CCDC73: variants seen among roughly 807,000 people sequenced by gnomAD.
The protein encoded by CCDC73 is coiled-coil domain containing 73, also known as coiled-coil domain-containing protein 73.
In CCDC73, 95 loss-of-function variants were observed where a neutral mutation model predicts 116.5. The ratio of observed to expected loss-of-function variants is 0.82; its 90% CI spans 0.69 to 0.97. The LOEUF is 0.97. CCDC73 is among the 50% of genes least tolerant of loss of function. The pLI, the probability that CCDC73 is intolerant of heterozygous loss-of-function variation, is 0.00. For missense variants in CCDC73, 1,066 were observed against 1,206.8 expected (o/e 0.88, Z 1.73); for synonymous variants, 398 against 401.3 (o/e 0.99, Z 0.10).
intron 2 of CCDC73, among the ~76,000 whole-genome samples, chr11:32,724,556 T>C (rs1285276665): frequency 7.3e-6 from 1 of 137,074 alleles, no homozygotes; most frequent in Non-Finnish European, 1.6e-5. Context: ...ATATATTTTG[T>C]TTTAAAACTT....
chr11:32,649,418 T>C (rs912735771), intron 12 of CCDC73, among the ~76,000 whole-genome samples: 3 of 152,250 alleles, frequency 2.0e-5, no homozygotes, highest in African/African-American at 7.2e-5. Context: ...AAATATTTCC[T>C]ATCATGAGAA....
At chr11:32,751,468 G>C (rs1461205601) in intron 2 of CCDC73, among the ~76,000 whole-genome samples, 3 of 152,144 alleles carry the variant, frequency 2.0e-5, no homozygotes, top group East Asian at 1.9e-4. Context: ...CAGCGGCAAG[G>C]CTTGCTGAAA....
intron 2 of CCDC73, among the ~76,000 whole-genome samples, chr11:32,737,579 C>G (rs1850146186): frequency 6.7e-6 from 1 of 149,682 alleles, no homozygotes; most frequent in Non-Finnish European, 1.5e-5. Context: ...GATCGTGCCA[C>G]TGCACTCCAG....
intron 14 of CCDC73, among the ~76,000 whole-genome samples, chr11:32,619,551 T>TAGTC (rs1394192687): frequency 6.6e-6 from 1 of 152,082 alleles, no homozygotes; most frequent in East Asian, 1.9e-4. Flanking sequence ...CACACACCTG[T>TAGTC]AGTCCTAACT....
chr11:32,779,155 A>G (rs1262806089), intron 1 of CCDC73, among the ~76,000 whole-genome samples: 2 of 152,084 alleles, frequency 1.3e-5, no homozygotes. Flanking sequence ...TGGGAAGACC[A>G]AAACACCTAG....
At chr11:32,621,114 T>G (rs1456209852) in intron 14 of CCDC73, among the ~76,000 whole-genome samples, 1 of 152,152 alleles carries the variant, frequency 6.6e-6, no homozygotes, top group Non-Finnish European at 1.5e-5. Context: ...AATTTATAGA[T>G]TCAATGCTAT....
intron 12 of CCDC73, among the ~76,000 whole-genome samples, chr11:32,645,591 C>G: frequency 6.7e-6 from 1 of 148,272 alleles, no homozygotes; most frequent in Non-Finnish European, 1.5e-5. Flanking sequence ...GCCTGGCCAA[C>G]TTTTTTTTTT....
intron 2 of CCDC73, among the ~76,000 whole-genome samples, chr11:32,758,798 T>C (rs1161278972): frequency 6.6e-6 from 1 of 152,170 alleles, no homozygotes; most frequent in Non-Finnish European, 1.5e-5. Context: ...TGACCAAAAG[T>C]TGTTTCACTT....
At position 32,614,387 on chromosome 11, in the gene CCDC73, T is replaced by C. The variant is rs1176800605; in HGVS notation, c.1931A>G (p.Lys644Arg). The change falls in exon 16 of 18, where the codon AAA (lysine) becomes AGA (arginine). Residue 644 changes from lysine to arginine, a missense_variant. Physicochemically the swap from Lys to Arg is conservative, Grantham distance 26 (BLOSUM62 2). Transcript: ENST00000335185. ...ATTACTTGAATTCCGTAAACTATAT[T>C]TCTGACATGGAACAGGATTTTTTTT... is the stretch of plus-strand genomic sequence containing the variant. The part of the protein sequence containing the change: ...DIKKNPVPCQ[K>R]YSLRNSSNVM... 6.2e-7 allele frequency: 1 copy of C among 1,613,306 alleles called. No individual in the cohort carries two copies. The highest frequency in any genetic ancestry group is 8.5e-7 in the Non-Finnish European group (1 of 1,179,552).
chr11:32,714,764 C>T (rs1849930588), intron 3 of CCDC73, among the ~76,000 whole-genome samples: 1 of 152,104 alleles, frequency 6.6e-6, no homozygotes, highest in Admixed American at 6.6e-5. Context: ...CCAAGACCTA[C>T]AGAGTCTGTT....
chr11:32,616,080 G>C lies in CCDC73; in HGVS notation c.1235C>G (p.Ser412Ter). 1 of 1,583,218 alleles carries C rather than the reference G, an allele frequency of 6.3e-7. No individual in the cohort carries two copies. Among genetic ancestry groups the C allele is most frequent in the Non-Finnish European group, 8.6e-7 (1 of 1,169,336 alleles). The change falls in exon 15 of 18, where the codon TCA becomes TGA. Residue 412 changes from serine to a stop codon, truncating the protein, a stop_gained. Coordinates refer to ENST00000335185, the MANE Select transcript of CCDC73 (RefSeq NM_001008391.4). LOFTEE classifies it high-confidence loss of function. ...NENSEMSTEK[S>*]ENTIIQKYNT... ...ATATTTCTGTATAATGGTGTTTTCT[G>C]ATTTTTCAGTTGACATTTCACTGTT...
chr11:32,683,327 T>G (rs1373164652), intron 7 of CCDC73: 1 of 542,386 alleles, frequency 1.8e-6, no homozygotes, highest in Admixed American at 2.8e-5. Flanking sequence ...CCTGTATAAG[T>G]ACTATGTAAT....
At chr11:32,830,237 G>C in the CCDC73 span, 9 of 1,066,464 alleles carry the variant, frequency 8.4e-6, no homozygotes, top group Non-Finnish European at 9.3e-6. Flanking sequence ...CACCTCGGCG[G>C]ACTGGGTTGG....
chr11:32,773,397 G>A (rs1229449417), intron 1 of CCDC73, among the ~76,000 whole-genome samples: 1 of 152,044 alleles, frequency 6.6e-6, no homozygotes, highest in African/African-American at 2.4e-5. Flanking sequence ...AAAAATTATT[G>A]AATTGCACAC....
chr11:32,613,094 T>C (rs1855437107), intron 16 of CCDC73, among the ~76,000 whole-genome samples: 1 of 151,816 alleles, frequency 6.6e-6, no homozygotes, highest in African/African-American at 2.4e-5. Flanking sequence ...AAGGGACAGA[T>C]AAAAATAGAA....
At chr11:32,767,729 C>T (rs1175341120) in intron 1 of CCDC73, among the ~76,000 whole-genome samples, 1 of 152,204 alleles carries the variant, frequency 6.6e-6, no homozygotes, top group African/African-American at 2.4e-5. Flanking sequence ...AAATGCTCAT[C>T]ATCACTGGCC....
chr11:32,783,474 C>A (rs1292212175), intron 1 of CCDC73, among the ~76,000 whole-genome samples: 1 of 152,118 alleles, frequency 6.6e-6, no homozygotes, highest in East Asian at 1.9e-4. Flanking sequence ...AAATATCAGA[C>A]CAGGTGGCTT....
intron 1 of CCDC73, among the ~76,000 whole-genome samples, chr11:32,782,011 C>A (rs1172164230): frequency 6.6e-6 from 1 of 152,008 alleles, no homozygotes; most frequent in East Asian, 1.9e-4. Flanking sequence ...CCTGTCAGAT[C>A]AGGGGCAGCA....
chr11:32,818,657 AAATGTC>A, the CCDC73 span, among the ~76,000 whole-genome samples: 2 of 152,248 alleles, frequency 1.3e-5, no homozygotes, highest in African/African-American at 2.4e-5. Flanking sequence ...GAAACAGCCC[AAATGTC>A]TATCAGCTAA....
Sources: allele counts gnomAD v4.1 joint callset (sites outside exome capture counted in the v4.1 genomes callset), GRCh38; gene constraint gnomAD v4.1.1; transcripts MANE v1.5; gene names NCBI Gene and HGNC (gene_info 2026-07-23, HGNC 2026-07-21).